The following CSDE1 variants were observed in gnomAD, a reference collection of about 807,000 sequenced individuals.
CSDE1 encodes the protein cold shock domain containing E1.
In CSDE1, 17 loss-of-function variants were observed where a neutral mutation model predicts 89.3. The ratio of observed to expected loss-of-function variants is 0.19; its 90% confidence interval spans 0.13 to 0.29. The LOEUF (loss-of-function observed/expected upper bound fraction) is 0.29, where lower values mean the gene tolerates loss of function less well. CSDE1 is among the 10% of genes least tolerant of loss of function. CSDE1 has a pLI of 1.00. For missense variants in CSDE1, 672 were observed against 984.2 expected (o/e 0.68, Z 4.24); for synonymous variants, 322 against 332.8 (o/e 0.97, Z 0.35).
chr1:114,753,276 G>A (rs1474559021), intron 1 of CSDE1, among the ~76,000 whole-genome samples: 1 of 151,284 alleles, frequency 6.6e-6, no homozygotes, highest in Non-Finnish European at 1.5e-5. Flanking sequence ...CACAAAAAAA[G>A]AGATTTCTGG....
intron 2 of CSDE1, among the ~76,000 whole-genome samples, chr1:114,740,706 T>A (rs752399843): frequency 2.0e-5 from 3 of 152,208 alleles, no homozygotes; most frequent in Non-Finnish European, 4.4e-5. Flanking sequence ...TACTATCACA[T>A]TGGATGTTCC....
chr1:114,743,426 C>G (rs1383986178), intron 2 of CSDE1, among the ~76,000 whole-genome samples: 1 of 152,180 alleles, frequency 6.6e-6, no homozygotes, highest in Non-Finnish European at 1.5e-5. Flanking sequence ...CTCCTGACCT[C>G]AAGTGATCCG....
chr1:114,720,868 A>C (rs756694955), intron 16 of CSDE1, 151 bp from the exon 17 acceptor site: 11 of 672,054 alleles, frequency 1.6e-5, no homozygotes, highest in Non-Finnish European at 2.6e-5. Context: ...TTAAAGCTTA[A>C]ATGAAATCCT....
In CSDE1 at chr1:114,737,888, G is replaced by C. The variant is rs1230849347; in HGVS notation, c.309+75C>G. On this transcript the variant is annotated intron_variant, in intron 4 of 19. Coordinates refer to ENST00000358528, the MANE Select transcript of CSDE1 (RefSeq NM_001007553.3). The stretch of plus-strand genomic sequence containing the variant: ...TTCGTGCAAACTGAGGAGATGGGGA[G>C]AATCTTCCTTTTCTAATGTGAAAGA... 4 of 1,000,106 alleles carry C rather than the reference G, an allele frequency of 4.0e-6. No homozygotes were observed. The African/African-American group carries it at 6.4e-5, about 16-fold the overall frequency. The allele number at this position is 1,000,106 out of a possible 1,614,324, so 62.0% of individuals were successfully genotyped here.
At chr1:114,738,427 C>T (rs1163743298) in intron 3 of CSDE1, among the ~76,000 whole-genome samples, 1 of 152,062 alleles carries the variant, frequency 6.6e-6, no homozygotes, top group African/African-American at 2.4e-5. Context: ...GATGACTTAA[C>T]AATCATAACC....
chr1:114,736,964 T>C, intron 5 of CSDE1, 109 bp from the exon 6 acceptor site: 1 of 737,602 alleles, frequency 1.4e-6, no homozygotes, highest in Non-Finnish European at 2.3e-6. Flanking sequence ...GCCAAATTTC[T>C]TAAAATTAAA....
At chr1:114,720,750 A>G in intron 16 of CSDE1, 33 bp from the exon 17 acceptor site, 2 of 1,602,658 alleles carry the variant, frequency 1.2e-6, no homozygotes, top group Non-Finnish European at 8.5e-7. Context: ...AAAAGCTAGT[A>G]TTTCACAACA....
rs749941097 is a variant in CSDE1, at chr1:114,733,757, A to G, written c.812T>C (p.Ile271Thr). 3 of 1,613,646 alleles carry G rather than the reference A, an allele frequency of 1.9e-6. No homozygotes were observed. Among genetic ancestry groups the G allele is most frequent in the Non-Finnish European group, 1.7e-6 (2 of 1,179,928 alleles). The change falls in exon 9 of 20, where the codon ATC becomes ACC. Residue 271 changes from isoleucine (I) to threonine (T), a missense_variant. Around this residue, in one of 8 missense-constraint regions of CSDE1, gnomAD observed 169 missense variants for 262.9 expected, o/e 0.64. Transcript: ENST00000358528. ...EHFEGTVTKVIPKVPSKNQND... is the reference protein window; with the variant it reads ...EHFEGTVTKVTPKVPSKNQND... ...CTGGTTTTTACTGGGTACTTTTGGG[A>G]TAACTTTGGTTACAGTTCCTTCAAA...
At chr1:114,721,580 A>G (rs147044530) in intron 16 of CSDE1, among the ~76,000 whole-genome samples, 21 of 152,274 alleles carry the variant, frequency 1.4e-4, no homozygotes, top group African/African-American at 4.8e-4. Flanking sequence ...TTACAGGGTA[A>G]GTGAAGAATT....
In CSDE1 at chr1:114,737,571, T is replaced by TAA; in HGVS notation, c.310-9_310-8insTT. ...AGGAACAGCGCACACAACCTACCAG[T>TAA]CAAAAAAAAAAAAATTTCCATTGCT... On this transcript the variant is annotated splice_polypyrimidine_tract_variant and intron_variant, in intron 4 of 19. Coordinates refer to ENST00000358528, the MANE Select transcript of CSDE1 (RefSeq NM_001007553.3). 1 of 1,590,318 alleles carries TAA rather than the reference T, an allele frequency of 6.3e-7. No individual in the cohort carries two copies. The highest frequency in any genetic ancestry group is 8.5e-7 in the Non-Finnish European group (1 of 1,170,682).
intron 2 of CSDE1, among the ~76,000 whole-genome samples, chr1:114,742,804 A>G (rs1017559056): frequency 2.6e-5 from 4 of 152,208 alleles, no homozygotes; most frequent in African/African-American, 9.7e-5. Flanking sequence ...TAGTTGCAAT[A>G]CAACACACAA....
chr1:114,757,021 A>G (rs1661635510), intron 1 of CSDE1: 1 of 152,302 alleles, frequency 6.6e-6, no homozygotes, highest in Non-Finnish European at 1.5e-5. Flanking sequence ...TTCATTGCAC[A>G]ATGTGGGTGG....
intron 2 of CSDE1, among the ~76,000 whole-genome samples, chr1:114,745,985 C>T (rs976335474): frequency 1.3e-5 from 2 of 152,140 alleles, no homozygotes; most frequent in African/African-American, 2.4e-5. Flanking sequence ...GAAATCTATG[C>T]TTTGTAATTT....
chr1:114,719,602 G>A lies in CSDE1; in HGVS notation c.2193C>T (p.Ser731=), dbSNP rs761270117. 6.2e-6 allele frequency: 10 copies of A among 1,613,724 alleles called. No individual in the cohort carries two copies. The highest frequency in any genetic ancestry group is 1.1e-5 in the South Asian group (1 of 91,032). The change falls in exon 18 of 20, where the codon AGC becomes AGT. Residue 731 remains serine, a synonymous_variant. Coordinates refer to ENST00000358528, the MANE Select transcript of CSDE1 (RefSeq NM_001007553.3). ...ACCAGACTCGCCAAACATTACAGGC[G>A]CTGCACTTGCCAGTGCGCTGATTAA... The part of the protein sequence containing the change: ...VILNQRTGKC[S]ACNVWRVCEG...
At chr1:114,735,880 A>AAT (rs1448124697) in intron 6 of CSDE1, among the ~76,000 whole-genome samples, 1 of 152,164 alleles carries the variant, frequency 6.6e-6, no homozygotes, top group Non-Finnish European at 1.5e-5. Context: ...ATAGGCAGGA[A>AAT]ATAGACCTTA....
chr1:114,734,233 T>A, intron 7 of CSDE1, 116 bp from the exon 8 acceptor site: 1 of 1,273,836 alleles, frequency 7.9e-7, no homozygotes, highest in Non-Finnish European at 1.1e-6. Flanking sequence ...TATAATTTGG[T>A]ACAACCTAAT....
chr1:114,741,452 A>G lies in CSDE1; in HGVS notation c.1-1562T>C, dbSNP rs1244353846. 8 of 1,338,358 alleles carry G rather than the reference A, an allele frequency of 6.0e-6. No individual in the cohort carries two copies. In the Admixed American group the frequency reaches 2.4e-4, roughly 40 times the overall value. The allele number at this position is 1,338,358 out of a possible 1,614,324, so 82.9% of individuals were successfully genotyped here. On this transcript the variant is annotated intron_variant, in intron 2 of 19. Coordinates refer to ENST00000358528, the MANE Select transcript of CSDE1 (RefSeq NM_001007553.3). ...GGTGAGTCGGCAAGATATTTCAACC[A>G]GAATGAGTGGCAATCCTAGGTCATG...
In CSDE1 at chr1:114,725,324, A is replaced by G. The variant is rs746088311; in HGVS notation, c.1650T>C (p.Ser550=). Residue 550 remains serine (S), a synonymous_variant, in exon 15 of 20, where the codon TCT becomes TCC. Coordinates refer to ENST00000358528, the MANE Select transcript of CSDE1 (RefSeq NM_001007553.3). The part of the protein sequence containing the change: ...KEIFFHYSEF[S]GDVDSLELGD... ...CCAGTTCCAGGCTATCAACATCACC[A>G]GAGAACTCACTAAGGAGAAAGGAAA... 5 of 1,613,698 alleles carry G rather than the reference A, an allele frequency of 3.1e-6. No individual in the cohort carries two copies. The highest frequency in any genetic ancestry group is 1.7e-4 in the Middle Eastern group (1 of 6,060).
rs936239511 is a variant in CSDE1 at position 114,717,204 on chromosome 1, T to C, written c.*965A>G. On this transcript the variant is annotated 3_prime_UTR_variant, in exon 20 of 20. Transcript: ENST00000358528. ...ACCCATCCATTCCCGTGATATAAAG[T>C]TGAACAGAAGCTACACCAAGGGTCA... 3 of 152,546 alleles carry C rather than the reference T, an allele frequency of 2.0e-5. No homozygotes were observed. The highest frequency in any genetic ancestry group is 4.4e-5 in the Non-Finnish European group (3 of 68,038). The allele number at this position is 152,546 out of a possible 1,614,324, so 9.4% of individuals were successfully genotyped here. A position where few individuals can be genotyped will look rare whatever the true frequency, so the allele number is the denominator to read the frequency against.
Sources: allele counts gnomAD v4.1 joint callset (sites outside exome capture counted in the v4.1 genomes callset), GRCh38; gene constraint gnomAD v4.1.1; regional missense constraint gnomAD v4.1.1; transcripts MANE v1.5; gene names NCBI Gene and HGNC (gene_info 2026-07-23, HGNC 2026-07-21).